DCDC1: variants seen among roughly 807,000 people sequenced by gnomAD.
DCDC1 encodes the protein doublecortin domain-containing protein 1.
DCDC1 carries 200 observed loss-of-function variants against 178.3 expected under a neutral mutation model. The ratio of observed to expected loss-of-function variants is 1.12; its 90% CI spans 1.00 to 1.26. The LOEUF (loss-of-function observed/expected upper bound fraction) is 1.26, where lower values mean the gene tolerates loss of function less well. Ranked by LOEUF, DCDC1 falls within the 50% of genes most tolerant of loss-of-function variation. The pLI is 0.00. For synonymous variants in DCDC1, 690 were observed against 604.8 expected, an observed-to-expected ratio of 1.14 and a Z score of -2.07; for missense variants, 1,983 against 1,749.2, an observed-to-expected ratio of 1.13 and a Z score of -2.38.
intron 25 of DCDC1, among the ~76,000 whole-genome samples, chr11:30,919,913 G>A (rs973932377): frequency 1.3e-5 from 2 of 152,094 alleles, no homozygotes; most frequent in Admixed American, 1.3e-4. Context: ...TGCCCTCAAC[G>A]TTCCCAGGCT....
chr11:31,212,789 G>C (rs992691201), intron 9 of DCDC1, among the ~76,000 whole-genome samples: 1 of 152,100 alleles, frequency 6.6e-6, no homozygotes, highest in Non-Finnish European at 1.5e-5. Context: ...CTAATTTTAG[G>C]AGTTCATATT....
At chr11:31,038,424 T>G (rs999315930) in intron 20 of DCDC1, among the ~76,000 whole-genome samples, 22 of 152,214 alleles carry the variant, frequency 1.4e-4, no homozygotes, top group African/African-American at 5.1e-4. Context: ...TAACTTCAAC[T>G]TTTTGTGCAT....
intron 25 of DCDC1, among the ~76,000 whole-genome samples, chr11:30,920,166 A>G (rs1332354639): frequency 6.6e-6 from 1 of 152,226 alleles, no homozygotes; most frequent in Non-Finnish European, 1.5e-5. Context: ...TTCATGTGGC[A>G]GAAAGAGACA....
At chr11:30,879,625 T>C (rs945936546) in intron 37 of DCDC1, among the ~76,000 whole-genome samples, 1 of 152,168 alleles carries the variant, frequency 6.6e-6, no homozygotes, top group Non-Finnish European at 1.5e-5. Flanking sequence ...ATTTATAAAA[T>C]TGAAGATGCA....
chr11:31,048,791 G>A (rs1464330357), intron 20 of DCDC1, among the ~76,000 whole-genome samples: 2 of 152,120 alleles, frequency 1.3e-5, no homozygotes, highest in Non-Finnish European at 2.9e-5. Context: ...CGGGAGGCGG[G>A]GCTTGCAGTC....
At chr11:31,012,263 A>G (rs1952219422) in intron 20 of DCDC1, among the ~76,000 whole-genome samples, 1 of 152,152 alleles carries the variant, frequency 6.6e-6, no homozygotes, top group Admixed American at 6.6e-5. Flanking sequence ...ATACATTATT[A>G]TAGACAAATC....
intron 20 of DCDC1, among the ~76,000 whole-genome samples, chr11:31,036,546 A>G (rs1013376602): frequency 6.6e-6 from 1 of 152,228 alleles, no homozygotes; most frequent in Non-Finnish European, 1.5e-5. Flanking sequence ...TCAAAAATGT[A>G]AACCACAAAC....
At chr11:31,196,654 T>C (rs1353262578) in intron 9 of DCDC1, among the ~76,000 whole-genome samples, 2 of 152,052 alleles carry the variant, frequency 1.3e-5, no homozygotes, top group African/African-American at 4.8e-5. Context: ...AAAATTTCTA[T>C]ACCCTTTCCC....
intron 22 of DCDC1, among the ~76,000 whole-genome samples, chr11:30,930,610 T>C (rs545253200): frequency 6.6e-6 from 1 of 152,304 alleles, no homozygotes; most frequent in Non-Finnish European, 1.5e-5. Flanking sequence ...TGTCCAAATT[T>C]ACCATTTCAA....
intron 1 of DCDC1, among the ~76,000 whole-genome samples, chr11:31,358,386 T>C (rs1296983281): frequency 6.6e-6 from 1 of 152,054 alleles, no homozygotes; most frequent in East Asian, 1.9e-4. Flanking sequence ...GCTAGCCATA[T>C]GTAGAAAGCT....
chr11:31,255,681 A>G (rs1048462383), intron 8 of DCDC1, among the ~76,000 whole-genome samples: 16 of 151,988 alleles, frequency 1.1e-4, no homozygotes, highest in African/African-American at 3.9e-4. Context: ...AATTGTTTGT[A>G]TTTTGTTGTT....
chr11:31,229,170 C>T (rs1274772900), intron 9 of DCDC1, among the ~76,000 whole-genome samples: 1 of 152,004 alleles, frequency 6.6e-6, no homozygotes, highest in Non-Finnish European at 1.5e-5. Flanking sequence ...ATGAATTTCA[C>T]CAAATACTTA....
Position 31,365,573 on chromosome 11 carries a change from A to G in DCDC1, c.-125+4124T>C, listed in dbSNP as rs531336922. 1.7e-4 allele frequency among the ~76,000 whole-genome samples: 26 copies of G among 152,242 alleles called. 1 individual carries two copies. The East Asian group carries it at 4.2e-3, about 25-fold the overall frequency. On this transcript the variant is annotated intron_variant, in intron 1 of 38. Coordinates refer to ENST00000684477, the MANE Select transcript of DCDC1 (RefSeq NM_001387274.1). The stretch of plus-strand genomic sequence containing the variant: ...TTATTATCCATCAATGAGAAGCACA[A>G]TTGACTAGTATGACATCAAATTAAG...
chr11:31,219,794 T>G (rs954734519), intron 9 of DCDC1, among the ~76,000 whole-genome samples: 1 of 152,118 alleles, frequency 6.6e-6, no homozygotes, highest in Non-Finnish European at 1.5e-5. Flanking sequence ...ACATATAAAT[T>G]TTACCATTTT....
intron 6 of DCDC1, among the ~76,000 whole-genome samples, chr11:31,300,489 C>T (rs1022255887): frequency 6.6e-6 from 1 of 152,034 alleles, no homozygotes; most frequent in Non-Finnish European, 1.5e-5. Context: ...ATTACTTCAT[C>T]TATATTACAG....
At position 31,368,920 on chromosome 11, in the gene DCDC1, A is replaced by G. The variant is rs552897965; in HGVS notation, c.-125+777T>C. On this transcript the variant is annotated intron_variant, in intron 1 of 38. Coordinates refer to ENST00000684477, the MANE Select transcript of DCDC1 (RefSeq NM_001387274.1). Reference sequence around the variant, plus strand: ...AGGAAACACAGGAATCAAGAAAGGGAGAAGAAAGAAAGGTGAGAAAAACAC... The same window carrying G: ...AGGAAACACAGGAATCAAGAAAGGGGGAAGAAAGAAAGGTGAGAAAAACAC... Among the ~76,000 whole-genome samples, 26 of 152,278 alleles carry G rather than the reference A, an allele frequency of 1.7e-4. 1 individual carries two copies. The South Asian group carries it at 5.0e-3, about 29-fold the overall frequency.
At chr11:31,361,761 G>A (rs541975339) in intron 1 of DCDC1, among the ~76,000 whole-genome samples, 16 of 152,302 alleles carry the variant, frequency 1.1e-4, no homozygotes, top group Admixed American at 7.2e-4. Flanking sequence ...GATTACAGGC[G>A]TGAGCCAGCG....
intron 9 of DCDC1, among the ~76,000 whole-genome samples, chr11:31,211,588 T>C (rs747032917): frequency 2.5e-4 from 38 of 152,200 alleles, no homozygotes; most frequent in Non-Finnish European, 4.0e-4. Flanking sequence ...TACTTTGTTC[T>C]TTAATCGGAA....
intron 21 of DCDC1, among the ~76,000 whole-genome samples, chr11:30,952,164 G>C (rs1223430607): frequency 1.3e-5 from 2 of 152,154 alleles, no homozygotes; most frequent in African/African-American, 4.8e-5. Flanking sequence ...CAATCCACCA[G>C]GGAGATATAA....
Sources: gnomAD v4.1 joint callset for allele counts (sites outside exome capture counted in the v4.1 genomes callset) on GRCh38, gnomAD v4.1.1 for gene constraint, MANE v1.5 for transcripts, NCBI Gene and HGNC (gene_info 2026-07-23, HGNC 2026-07-21) for gene names.